CUTC: variants seen among roughly 807,000 people sequenced by gnomAD.
CUTC encodes cutC copper transporter, also known as copper homeostasis protein cutC homolog.
A neutral mutation model predicts 36.2 loss-of-function variants in CUTC; 27 were observed. That is an observed-to-expected ratio of 0.75 (90% CI 0.55 to 1.03). The LOEUF (loss-of-function observed/expected upper bound fraction) is 1.03, where lower values mean the gene tolerates loss of function less well. Ranked by LOEUF, CUTC falls within the 50% of genes least tolerant of loss-of-function variation. The pLI, the probability that CUTC is intolerant of heterozygous loss-of-function variation, is 0.00. For synonymous variants in CUTC, 114 were observed against 118.3 expected (o/e 0.96, Z 0.24); for missense variants, 315 against 343.5 (o/e 0.92, Z 0.66).
intron 3 of CUTC, among the ~76,000 whole-genome samples, chr10:99,741,177 GT>G: frequency 6.6e-6 from 1 of 152,314 alleles, no homozygotes; most frequent in Admixed American, 6.5e-5. Context: ...TTCCAAAACA[GT>G]TTGGTCCTTT....
chr10:99,742,202 GT>G (rs1247180188), intron 3 of CUTC, among the ~76,000 whole-genome samples: 1 of 151,994 alleles, frequency 6.6e-6, no homozygotes, highest in African/African-American at 2.4e-5. Flanking sequence ...TATTTTGTCT[GT>G]TTTTTTATTA....
chr10:99,747,457 A>G (rs2037386509), intron 6 of CUTC, 67 bp downstream of exon 6: 2 of 1,591,330 alleles, frequency 1.3e-6, no homozygotes, highest in African/African-American at 2.7e-5. Flanking sequence ...TCTGCTGTTT[A>G]GCCAGTTTGT....
chr10:99,737,176 G>C (rs1011714452), intron 2 of CUTC, among the ~76,000 whole-genome samples: 2 of 151,780 alleles, frequency 1.3e-5, no homozygotes, highest in African/African-American at 4.8e-5. Context: ...AGGCTAAGGT[G>C]GGAGGATCAC....
intron 6 of CUTC, among the ~76,000 whole-genome samples, chr10:99,749,333 G>C (rs1192487623): frequency 6.6e-6 from 1 of 152,106 alleles, no homozygotes; most frequent in Admixed American, 6.5e-5. Context: ...GCAAAGTTAG[G>C]ATAATAATAG....
At chr10:99,754,709 G>A (rs2037442504) in intron 8 of CUTC, 75 bp downstream of exon 8, 6 of 1,012,112 alleles carry the variant, frequency 5.9e-6, no homozygotes, top group Non-Finnish European at 9.3e-6. Flanking sequence ...AAAAACTTTG[G>A]ATGGGGGCAT....
chr10:99,748,899 T>C (rs1011142425), intron 6 of CUTC, among the ~76,000 whole-genome samples: 3 of 152,150 alleles, frequency 2.0e-5, no homozygotes, highest in Non-Finnish European at 2.9e-5. Context: ...ATATTGAATG[T>C]GGACAGAATG....
intron 8 of CUTC, among the ~76,000 whole-genome samples, chr10:99,755,307 G>T (rs1194838149): frequency 6.7e-6 from 1 of 150,020 alleles, no homozygotes; most frequent in Non-Finnish European, 1.5e-5. Flanking sequence ...GGCCAACATG[G>T]TGACACCCCA....
At position 99,732,313 on chromosome 10, in the gene CUTC, G is replaced by C; in HGVS notation, c.-36G>C. 1 of 1,550,412 alleles carries C rather than the reference G, an allele frequency of 6.4e-7. No homozygotes were observed. The highest frequency in any genetic ancestry group is 1.2e-5 in the South Asian group (1 of 84,038). On this transcript the variant is annotated 5_prime_UTR_variant, in exon 1 of 9. Coordinates refer to ENST00000370476, the MANE Select transcript of CUTC (RefSeq NM_015960.3). ...CGCGCCGGAGCCCAAATTCCAAGTGGAAACTGCAGGCGCACGAGGGAGGAA... is the reference window on the plus strand; with the variant it reads ...CGCGCCGGAGCCCAAATTCCAAGTGCAAACTGCAGGCGCACGAGGGAGGAA...
At chr10:99,737,267 A>T (rs1274408197) in intron 2 of CUTC, among the ~76,000 whole-genome samples, 1 of 141,328 alleles carries the variant, frequency 7.1e-6, no homozygotes, top group South Asian at 2.2e-4. Context: ...GATCTTGTCT[A>T]AAAAAAAAAA....
At chr10:99,732,489 T>C (rs2037218140) in intron 1 of CUTC, 80 bp downstream of exon 1, 9 of 1,541,992 alleles carry the variant, frequency 5.8e-6, no homozygotes, top group Admixed American at 2.0e-5. Flanking sequence ...TCAGTGGTGA[T>C]TTCTTCTGGA....
At chr10:99,733,440 C>A (rs1454120126) in intron 1 of CUTC, among the ~76,000 whole-genome samples, 3 of 150,422 alleles carry the variant, frequency 2.0e-5, no homozygotes, top group East Asian at 1.9e-4. Context: ...ACAAAAAAAG[C>A]AAAAGAGTGG....
At chr10:99,754,483 T>C (rs755379337) in intron 7 of CUTC, 46 bp from the exon 8 acceptor site, 3 of 1,267,434 alleles carry the variant, frequency 2.4e-6, no homozygotes, top group East Asian at 4.6e-5. Flanking sequence ...TTAAATTTTA[T>C]GCAAAATTCT....
At chr10:99,748,216 T>C (rs965581561) in intron 6 of CUTC, among the ~76,000 whole-genome samples, 1 of 152,220 alleles carries the variant, frequency 6.6e-6, no homozygotes, top group African/African-American at 2.4e-5. Flanking sequence ...ATGAGTTTAA[T>C]ACTTATTTTA....
At chr10:99,738,712 T>C (rs933644061) in intron 2 of CUTC, among the ~76,000 whole-genome samples, 1 of 152,068 alleles carries the variant, frequency 6.6e-6, no homozygotes, top group African/African-American at 2.4e-5. Context: ...TTGACAAAAT[T>C]TATTTATAGA....
At chr10:99,736,908 A>G (rs1024646281) in intron 2 of CUTC, among the ~76,000 whole-genome samples, 4 of 152,190 alleles carry the variant, frequency 2.6e-5, no homozygotes, top group Admixed American at 6.5e-5. Context: ...GCTGCATAGT[A>G]TATATATTTT....
intron 6 of CUTC, among the ~76,000 whole-genome samples, chr10:99,748,906 A>G (rs1022595722): frequency 6.6e-6 from 1 of 152,220 alleles, no homozygotes; most frequent in African/African-American, 2.4e-5. Flanking sequence ...ATGTGGACAG[A>G]ATGATATCCA....
intron 6 of CUTC, among the ~76,000 whole-genome samples, chr10:99,749,022 G>T (rs1341144580): frequency 6.6e-6 from 1 of 152,066 alleles, no homozygotes; most frequent in South Asian, 2.1e-4. Flanking sequence ...GTTTTAAAAG[G>T]TTACTCAGTA....
rs74671798 is a variant in CUTC, at chr10:99,744,486, C to A, written c.439+414C>A. Among the ~76,000 whole-genome samples, 3 of 152,158 alleles carry A rather than the reference C, an allele frequency of 2.0e-5. No individual in the cohort carries two copies. The East Asian group carries it at 5.8e-4, about 29-fold the overall frequency. On this transcript the variant is annotated intron_variant, in intron 5 of 8. Transcript: ENST00000370476. The stretch of plus-strand genomic sequence containing the variant: ...CTATCTTAAGCCAGGCAAAACCATC[C>A]CTGGGGCTAGCAGTGAGGTGGGGTT...
chr10:99,749,559 A>C (rs966890552), intron 6 of CUTC, among the ~76,000 whole-genome samples: 1 of 151,896 alleles, frequency 6.6e-6, no homozygotes, highest in Non-Finnish European at 1.5e-5. Context: ...TATGTTTTGG[A>C]AAGCCTTGAT....
Sources: allele counts gnomAD v4.1 joint callset (sites outside exome capture counted in the v4.1 genomes callset), GRCh38; gene constraint gnomAD v4.1.1; transcripts MANE v1.5; gene names NCBI Gene and HGNC (gene_info 2026-07-23, HGNC 2026-07-21).